Variants in ALK observed in about 807,000 individuals in gnomAD.
The protein encoded by ALK is ALK receptor tyrosine kinase.
Under a neutral mutation model 163.1 loss-of-function variants are expected in ALK, and 74 were observed. That is an observed-to-expected ratio of 0.45 (90% CI 0.38 to 0.55). The LOEUF (loss-of-function observed/expected upper bound fraction) is 0.55, where lower values mean the gene tolerates loss of function less well. ALK is among the 20% of genes least tolerant of loss of function. The pLI, the probability that ALK is intolerant of heterozygous loss-of-function variation, is 0.00. For synonymous variants in ALK, 960 were observed against 843.2 expected (o/e 1.14, Z -2.40); for missense variants, 2,063 against 2,105.3 (o/e 0.98, Z 0.39).
intron 4 of ALK, among the ~76,000 whole-genome samples, chr2:29,432,746 T>TC (rs1047570742): frequency 2.0e-5 from 3 of 152,062 alleles, no homozygotes; most frequent in African/African-American, 7.2e-5. Context: ...CCTTTTTTTT[T>TC]TTTTTTTTAA....
At chr2:29,315,322 A>G (rs1666802181) in intron 8 of ALK, among the ~76,000 whole-genome samples, 1 of 152,088 alleles carries the variant, frequency 6.6e-6, no homozygotes, top group African/African-American at 2.4e-5. Flanking sequence ...ATTGGCACAA[A>G]GGCACACTGT....
intron 11 of ALK, among the ~76,000 whole-genome samples, chr2:29,261,237 G>A (rs1665081290): frequency 6.6e-6 from 1 of 152,166 alleles, no homozygotes; most frequent in African/African-American, 2.4e-5. Context: ...TACCATGCAG[G>A]TCTTGTGGTT....
At chr2:29,748,164 G>A (rs1003739485) in intron 1 of ALK, among the ~76,000 whole-genome samples, 9 of 152,256 alleles carry the variant, frequency 5.9e-5, no homozygotes, top group East Asian at 1.9e-4. Flanking sequence ...TGTGACACTC[G>A]TTAGGTGTGG....
At chr2:29,919,135 A>T (rs1667914013) in intron 1 of ALK, among the ~76,000 whole-genome samples, 1 of 152,212 alleles carries the variant, frequency 6.6e-6, no homozygotes, top group Non-Finnish European at 1.5e-5. Flanking sequence ...AGGAGTCTCC[A>T]GCAGGGAGAT....
chr2:29,544,268 C>G (rs569461268), intron 3 of ALK, among the ~76,000 whole-genome samples: 16 of 152,108 alleles, frequency 1.1e-4, no homozygotes, highest in African/African-American at 3.9e-4. Context: ...CCGCAGAACA[C>G]CAGCCCCATG....
chr2:29,225,375 A>G (rs2148176079), intron 19 of ALK, 86 bp downstream of exon 19: 1 of 1,231,396 alleles, frequency 8.1e-7, no homozygotes, highest in Non-Finnish European at 1.2e-6. Context: ...ACGAAGTGAC[A>G]CCTTGGCACC....
At chr2:29,253,213 A>AT (rs566119501) in intron 11 of ALK, among the ~76,000 whole-genome samples, 265 of 152,220 alleles carry the variant, frequency 1.7e-3, no homozygotes, top group Non-Finnish European at 3.0e-3. Flanking sequence ...TATAGAATGC[A>AT]TTTTTGGCAG....
At chr2:29,218,039 A>T (rs1170752803) in intron 23 of ALK, among the ~76,000 whole-genome samples, 3 of 152,168 alleles carry the variant, frequency 2.0e-5, no homozygotes, top group South Asian at 4.1e-4. Context: ...TGGCCCCGAG[A>T]ATCCATGCAG....
intron 3 of ALK, among the ~76,000 whole-genome samples, chr2:29,621,101 G>T (rs753512456): frequency 2.0e-5 from 3 of 152,174 alleles, no homozygotes. Flanking sequence ...TTCCAAAGGA[G>T]GGGGAGAGAT....
intron 15 of ALK, among the ~76,000 whole-genome samples, chr2:29,231,594 T>C (rs1664210025): frequency 6.7e-6 from 1 of 149,154 alleles, no homozygotes; most frequent in Non-Finnish European, 1.5e-5. Flanking sequence ...CTGTTTCTAC[T>C]CTTCTATTCT....
At chr2:29,505,563 A>C (rs1672296677) in intron 4 of ALK, among the ~76,000 whole-genome samples, 1 of 152,044 alleles carries the variant, frequency 6.6e-6, no homozygotes, top group Non-Finnish European at 1.5e-5. Flanking sequence ...TCCTGAGATG[A>C]CTGAAACCTT....
At chr2:29,543,035 T>C (rs966670242) in intron 3 of ALK, among the ~76,000 whole-genome samples, 5 of 152,034 alleles carry the variant, frequency 3.3e-5, no homozygotes, top group Admixed American at 6.5e-5. Context: ...TTTCTTTTTC[T>C]CTTTTCTTCT....
At chr2:29,736,548 G>C (rs1212411337) in intron 1 of ALK, among the ~76,000 whole-genome samples, 1 of 151,954 alleles carries the variant, frequency 6.6e-6, no homozygotes, top group African/African-American at 2.4e-5. Context: ...ATAATGCTTA[G>C]AATTATTTAT....
intron 9 of ALK, among the ~76,000 whole-genome samples, chr2:29,276,424 G>C (rs1360316210): frequency 1.3e-5 from 2 of 152,170 alleles, no homozygotes; most frequent in African/African-American, 4.8e-5. Flanking sequence ...ATCATCCCAT[G>C]GAAGGCTAGC....
chr2:29,475,985 C>T (rs76489298), intron 4 of ALK, among the ~76,000 whole-genome samples: 33 of 152,184 alleles, frequency 2.2e-4, no homozygotes, highest in Non-Finnish European at 3.4e-4. Context: ...GGGGCTGCTT[C>T]GGACAGATGG....
At position 29,920,473 on chromosome 2, in the gene ALK, G is replaced by A; in HGVS notation, c.187C>T (p.Leu63Phe). Residue 63 changes from leucine (L) to phenylalanine (F), a missense_variant, in exon 1 of 29, where the codon CTC (leucine) becomes TTC (phenylalanine). Physicochemically the swap from Leu to Phe is conservative, Grantham distance 22 (BLOSUM62 0). Around this residue, in one of 5 missense-constraint regions of ALK, gnomAD observed 987 missense variants for 939.5 expected, o/e 1.05. Coordinates refer to ENST00000389048, the MANE Select transcript of ALK (RefSeq NM_004304.5). ...AGGTCCCGGGCGTAGACACGGAAGAGCGAGGGCACCACGAAGTCAACTGCC... is the reference window on the plus strand; with the variant it reads ...AGGTCCCGGGCGTAGACACGGAAGAACGAGGGCACCACGAAGTCAACTGCC... ...SLAVDFVVPSLFRVYARDLLL... is the reference protein window; with the variant it reads ...SLAVDFVVPSFFRVYARDLLL... 1.9e-6 allele frequency: 3 copies of A among 1,612,980 alleles called. No individual in the cohort carries two copies. Among genetic ancestry groups the A allele is most frequent in the African/African-American group, 2.7e-5 (2 of 75,026 alleles).
At chr2:29,288,955 AAAAT>A (rs1179785867) in intron 9 of ALK, among the ~76,000 whole-genome samples, 1,635 of 26,764 alleles carry the variant, frequency 0.061, 122 homozygotes, top group Middle Eastern at 0.16. Context: ...CCTTCTCAAA[AAAAT>A]AAATAAATAA....
chr2:29,583,035 G>GTTTTTTTTTTT (rs10637189), intron 3 of ALK, among the ~76,000 whole-genome samples: 35 of 108,086 alleles, frequency 3.2e-4, no homozygotes, highest in South Asian at 7.8e-4. Flanking sequence ...GCTAACTTTT[G>GTTTTTTTTTTT]TTTTTTGTTT....
intron 27 of ALK, 80 bp downstream of exon 27, chr2:29,197,462 G>T: frequency 1.3e-6 from 2 of 1,592,090 alleles, no homozygotes; most frequent in South Asian, 1.1e-5. Context: ...TCATCTTAAA[G>T]AAGCATATGT....
Sources: allele counts gnomAD v4.1 joint callset (sites outside exome capture counted in the v4.1 genomes callset), GRCh38; gene constraint gnomAD v4.1.1; regional missense constraint gnomAD v4.1.1; transcripts MANE v1.5; gene names NCBI Gene and HGNC (gene_info 2026-07-23, HGNC 2026-07-21).